Variants in STX12 observed in about 807,000 individuals in gnomAD.
STX12 encodes the protein syntaxin 12.
Under a neutral mutation model 42.2 loss-of-function variants are expected in STX12, and 17 were observed. That is an observed-to-expected ratio of 0.40 (90% CI 0.28 to 0.60). The LOEUF (loss-of-function observed/expected upper bound fraction) is 0.60. STX12 is among the 20% of genes least tolerant of loss of function. The probability of loss-of-function intolerance (pLI) is 0.39; values close to 1 mark genes in which losing one functional copy is unlikely to be tolerated. For synonymous variants in STX12, 108 were observed against 116.7 expected, an observed-to-expected ratio of 0.93 and a Z score of 0.48; for missense variants, 297 against 330.9, an observed-to-expected ratio of 0.90 and a Z score of 0.79.
At chr1:27,780,321 G>C (rs1218474072) in intron 1 of STX12, among the ~76,000 whole-genome samples, 2 of 147,774 alleles carry the variant, frequency 1.4e-5, no homozygotes, top group Non-Finnish European at 3.0e-5. Context: ...CAATTCTCCT[G>C]CCTCAGCCTC....
intron 5 of STX12, chr1:27,811,928 A>G (rs1486030599): frequency 5.0e-6 from 3 of 601,430 alleles, no homozygotes; most frequent in South Asian, 1.5e-5. Flanking sequence ...CCCATCCGTC[A>G]TAATTCTGCC....
intron 3 of STX12, among the ~76,000 whole-genome samples, chr1:27,797,325 G>A (rs148764808): frequency 6.6e-6 from 1 of 152,282 alleles, no homozygotes; most frequent in Non-Finnish European, 1.5e-5. Context: ...CCAAAGTTCT[G>A]GGATTGCAGG....
At chr1:27,804,524 G>C (rs906048343) in intron 4 of STX12, among the ~76,000 whole-genome samples, 6 of 150,250 alleles carry the variant, frequency 4.0e-5, no homozygotes, top group Admixed American at 6.6e-5. Flanking sequence ...ATAAAGAACT[G>C]CCCGAAGCTG....
intron 4 of STX12, among the ~76,000 whole-genome samples, chr1:27,805,741 T>C (rs1171099603): frequency 6.6e-6 from 1 of 152,232 alleles, no homozygotes; most frequent in South Asian, 2.1e-4. Flanking sequence ...TTATATCTGC[T>C]TCTGTATTCA....
chr1:27,820,973 A>G (rs1297734231), intron 8 of STX12, among the ~76,000 whole-genome samples: 5 of 145,400 alleles, frequency 3.4e-5, no homozygotes, highest in Non-Finnish European at 4.5e-5. Flanking sequence ...GAATTGAACA[A>G]TGAGAACACA....
intron 6 of STX12, 142 bp from the exon 7 acceptor site, chr1:27,817,708 GA>G: frequency 1.5e-6 from 1 of 673,266 alleles, no homozygotes; most frequent in Non-Finnish European, 2.6e-6. Context: ...GGCAGCAATA[GA>G]TTATTTTCTG....
At position 27,824,075 on chromosome 1, in the gene STX12, A is replaced by G. The variant is rs1196644786; in HGVS notation, c.*1746A>G. 1 of 151,654 alleles carries G rather than the reference A, an allele frequency of 6.6e-6. No homozygotes were observed. Among genetic ancestry groups the G allele is most frequent in the African/African-American group, 2.4e-5 (1 of 41,272 alleles). 9.4% of individuals were successfully genotyped at this position (151,654 alleles called of 1,614,324 possible). A position where few individuals can be genotyped will look rare whatever the true frequency, so the allele number is the denominator to read the frequency against. On this transcript the variant is annotated 3_prime_UTR_variant, in exon 9 of 9. Coordinates refer to ENST00000373943, the MANE Select transcript of STX12 (RefSeq NM_177424.3). ...AAGACCCCATCTCCATTTTTTTTTT[A>G]ATGATTTTTTAATTAAAAAAAAGAA...
At position 27,811,307 on chromosome 1, in the gene STX12, C is replaced by CAA. The variant is rs1158641374; in HGVS notation, c.471-841_471-840dup. Among the ~76,000 whole-genome samples the CAA allele has an allele frequency of 2.9e-3, 138 of 48,026 alleles. 1 individual carries two copies. Among genetic ancestry groups the CAA allele is most frequent in the African/African-American group, 8.7e-3 (122 of 14,052 alleles). The allele number at this position is 48,026 out of a possible 152,430, so 31.5% of individuals were successfully genotyped here. On this transcript the variant is annotated intron_variant, in intron 5 of 8. Transcript: ENST00000373943. ...TGGATGAAAGAGCGAAACTCCGTCT[C>CAA]AAAAAAAAAAAAAAAAGCCAGGCAT...
chr1:27,810,181 C>T (rs1027792781), intron 4 of STX12, 65 bp from the exon 5 acceptor site: 145 of 1,487,952 alleles, frequency 9.7e-5, no homozygotes, highest in Non-Finnish European at 1.3e-4. Flanking sequence ...CTAAGGAAGC[C>T]CTTGTTTTGT....
intron 1 of STX12, among the ~76,000 whole-genome samples, 153 bp downstream of exon 1, chr1:27,773,578 C>T (rs1429598638): frequency 6.6e-6 from 1 of 152,124 alleles, no homozygotes; most frequent in African/African-American, 2.4e-5. Flanking sequence ...GCTGCCATCC[C>T]CCAATCTGTC....
chr1:27,819,499 T>G, intron 7 of STX12, 151 bp from the exon 8 acceptor site: 1 of 563,512 alleles, frequency 1.8e-6, no homozygotes, highest in Non-Finnish European at 3.1e-6. Flanking sequence ...AAGAAAAGGC[T>G]AGTCTCTTAC....
chr1:27,810,192 G>A (rs999393739), intron 4 of STX12, 54 bp from the exon 5 acceptor site: 4 of 1,559,200 alleles, frequency 2.6e-6, no homozygotes, highest in Admixed American at 1.7e-5. Flanking sequence ...CTTGTTTTGT[G>A]TGTCTGTGAT....
chr1:27,790,533 A>G (rs1370234341), intron 2 of STX12, among the ~76,000 whole-genome samples: 4 of 152,202 alleles, frequency 2.6e-5, no homozygotes, highest in African/African-American at 9.7e-5. Flanking sequence ...TGATTGGTGC[A>G]TTTTACAATC....
intron 1 of STX12, among the ~76,000 whole-genome samples, chr1:27,775,298 G>T (rs1460726146): frequency 1.3e-5 from 2 of 151,996 alleles, no homozygotes; most frequent in African/African-American, 4.8e-5. Context: ...TTGAGACAGG[G>T]TCTCACTCTG....
In STX12 at chr1:27,773,414, T is replaced by C; in HGVS notation, c.107T>C (p.Ile36Thr). 6.2e-7 allele frequency: 1 copy of C among 1,613,226 alleles called. No individual in the cohort carries two copies. Among genetic ancestry groups the C allele is most frequent in the Non-Finnish European group, 8.5e-7 (1 of 1,179,696 alleles). ...ACGTGCAGCGGCAACATCCAGCGGA[T>C]CAGCCAAGCCAGTGAGCCGGGGTAC... is the stretch of plus-strand genomic sequence containing the variant. ...IQTCSGNIQRISQATAQIKNL... is the reference protein window; with the variant it reads ...IQTCSGNIQRTSQATAQIKNL... The change falls in exon 1 of 9, where the codon ATC becomes ACC. Residue 36 changes from isoleucine to threonine, a missense_variant. Physicochemically the swap from Ile to Thr is moderately conservative, Grantham distance 89. Coordinates refer to ENST00000373943, the MANE Select transcript of STX12 (RefSeq NM_177424.3).
At chr1:27,778,307 A>T (rs1571514675) in intron 1 of STX12, among the ~76,000 whole-genome samples, 1 of 152,192 alleles carries the variant, frequency 6.6e-6, no homozygotes, top group Non-Finnish European at 1.5e-5. Flanking sequence ...TATTTGACTT[A>T]CTGTGGAACA....
intron 5 of STX12, among the ~76,000 whole-genome samples, chr1:27,811,024 G>A (rs969747083): frequency 6.6e-6 from 1 of 151,902 alleles, no homozygotes; most frequent in Admixed American, 6.6e-5. Flanking sequence ...TTAAATGCTT[G>A]AAAATAAAGA....
intron 3 of STX12, among the ~76,000 whole-genome samples, chr1:27,799,478 TTTTTTTTTTTG>T (rs1349284257): frequency 4.1e-5 from 5 of 121,836 alleles, no homozygotes; most frequent in Non-Finnish European, 7.8e-5. Flanking sequence ...CATTAGCTTG[TTTTTTTTTTTG>T]TTTTTTTTTT....
intron 1 of STX12, among the ~76,000 whole-genome samples, chr1:27,777,844 G>A (rs1302911792): frequency 6.6e-6 from 1 of 152,004 alleles, no homozygotes; most frequent in African/African-American, 2.4e-5. Context: ...CCGAGATTGC[G>A]CCACTGCACT....
Sources: allele counts gnomAD v4.1 joint callset (sites outside exome capture counted in the v4.1 genomes callset), GRCh38; gene constraint gnomAD v4.1.1; transcripts MANE v1.5; gene names NCBI Gene and HGNC (gene_info 2026-07-23, HGNC 2026-07-21).